The following RXRA variants were observed in gnomAD, a reference collection of about 807,000 sequenced individuals.
The protein encoded by RXRA is retinoic acid receptor RXR-alpha.
In RXRA, 5 loss-of-function variants were observed where a neutral mutation model predicts 44.5. That is an observed-to-expected ratio of 0.11 (90% confidence interval 0.06 to 0.24). RXRA has a LOEUF of 0.24. RXRA is among the 10% of genes least tolerant of loss of function. The pLI, the probability that RXRA is intolerant of heterozygous loss-of-function variation, is 1.00. For missense variants in RXRA, 412 were observed against 646.5 expected (o/e 0.64, Z 3.93); for synonymous variants, 291 against 271.4 (o/e 1.07, Z -0.71).
intron 1 of RXRA, among the ~76,000 whole-genome samples, chr9:134,334,295 G>T (rs977723235): frequency 3.9e-5 from 6 of 152,274 alleles, no homozygotes; most frequent in Non-Finnish European, 8.8e-5. Flanking sequence ...TTGACTTAGA[G>T]AGTGGGATCA....
chr9:134,351,397 C>A (rs892826594), intron 1 of RXRA, among the ~76,000 whole-genome samples: 1 of 152,206 alleles, frequency 6.6e-6, no homozygotes, highest in African/African-American at 2.4e-5. Flanking sequence ...GGTTGTGAGG[C>A]AGGCTGGTCT....
chr9:134,360,054 G>A (rs868666418), intron 1 of RXRA, among the ~76,000 whole-genome samples: 2 of 152,220 alleles, frequency 1.3e-5, no homozygotes, highest in Non-Finnish European at 2.9e-5. Context: ...GAGGTGTGGC[G>A]TGCCCAGTGG....
At chr9:134,421,604 T>C in intron 5 of RXRA, 72 bp from the exon 6 acceptor site, 4 of 1,488,842 alleles carry the variant, frequency 2.7e-6, no homozygotes, top group East Asian at 4.6e-5. Context: ...TGGCAGGGCC[T>C]GGTCTGGGCT....
chr9:134,400,410 T>C (rs943717466), intron 1 of RXRA, among the ~76,000 whole-genome samples: 6 of 152,318 alleles, frequency 3.9e-5, no homozygotes, highest in Non-Finnish European at 4.4e-5. Context: ...CAGAAGTGCC[T>C]GTGATTGCCA....
rs1830420647 is a variant in RXRA, at chr9:134,366,859, C to T, written c.29-34773C>T. Among the ~76,000 whole-genome samples the T allele has an allele frequency of 6.6e-6, 1 of 152,170 alleles. No homozygotes were observed. Among genetic ancestry groups the T allele is most frequent in the African/African-American group, 2.4e-5 (1 of 41,436 alleles). On this transcript the variant is annotated intron_variant, in intron 1 of 9. Transcript: ENST00000481739. This position sits in a 1 kb window ranked among gnomAD's most constrained non-coding sequence, Gnocchi z 5.9. ...AAAGACACAGGAGTCGGGGACACAT[C>T]CCAGTCGGAACGTGGTGGAAAGGCG...
intron 1 of RXRA, among the ~76,000 whole-genome samples, chr9:134,331,828 G>A (rs1223130529): frequency 2.6e-5 from 4 of 152,236 alleles, no homozygotes; most frequent in Non-Finnish European, 5.9e-5. Flanking sequence ...CCAGCTGGGA[G>A]GACCTGTCCC....
chr9:134,398,842 C>T (rs1251206472), intron 1 of RXRA, among the ~76,000 whole-genome samples: 2 of 152,230 alleles, frequency 1.3e-5, no homozygotes, highest in Non-Finnish European at 2.9e-5. Context: ...ATTCCAAGGC[C>T]CGGCTTCTGA....
intron 1 of RXRA, among the ~76,000 whole-genome samples, chr9:134,340,748 G>A (rs1311650666): frequency 6.6e-6 from 1 of 152,180 alleles, no homozygotes; most frequent in Non-Finnish European, 1.5e-5. Flanking sequence ...GGCCCAAGCG[G>A]TCCTCCCTGG....
rs114005197 is a variant in RXRA, at chr9:134,329,014, G to A, written c.28+2355G>A. On this transcript the variant is annotated intron_variant, in intron 1 of 9. Transcript: ENST00000481739. ...GGCCCTGCTGCCCGGGGCTGGCCGC[G>A]CTCCCACGCCTGCCGGGGAGAAGGC... is the stretch of plus-strand genomic sequence containing the variant. Among the ~76,000 whole-genome samples the A allele has an allele frequency of 4.7e-3, 723 of 152,336 alleles. 6 individuals carry two copies. The highest frequency in any genetic ancestry group is 0.016 in the African/African-American group (676 of 41,574).
intron 1 of RXRA, among the ~76,000 whole-genome samples, chr9:134,386,299 C>T (rs1475268700): frequency 2.0e-5 from 3 of 152,270 alleles, no homozygotes; most frequent in Admixed American, 6.5e-5. Context: ...GGTGGGACCT[C>T]TCGCCTGCCC....
In RXRA at chr9:134,354,140, G is replaced by C. The variant is rs1177415361; in HGVS notation, c.28+27481G>C. Among the ~76,000 whole-genome samples the C allele has an allele frequency of 3.9e-5, 6 of 152,334 alleles. No homozygotes were observed. In the South Asian group the frequency reaches 6.2e-4, roughly 16 times the overall value. ...TGTCTCTTCTGACGGATGGGATGGG[G>C]TGCCTGGGTCCCAGCAGGCACCAGC... On this transcript the variant is annotated intron_variant, in intron 1 of 9. Transcript: ENST00000481739.
At chr9:134,376,075 G>C (rs1187286369) in intron 1 of RXRA, among the ~76,000 whole-genome samples, 2 of 152,036 alleles carry the variant, frequency 1.3e-5, no homozygotes, top group Non-Finnish European at 2.9e-5. Flanking sequence ...AACAAAAATG[G>C]AATTCAGATT....
rs1410595686 is a variant in RXRA, at chr9:134,366,102, G to A, written c.29-35530G>A. Among the ~76,000 whole-genome samples, 1 of 152,160 alleles carries A rather than the reference G, an allele frequency of 6.6e-6. No individual in the cohort carries two copies. Among genetic ancestry groups the A allele is most frequent in the Non-Finnish European group, 1.5e-5 (1 of 68,032 alleles). ...TCTCTCGTGCCTCAGTAACAACCTG[G>A]GAGCGGTGCTGTCCCTGGGTACAGA... On this transcript the variant is annotated intron_variant, in intron 1 of 9. Transcript: ENST00000481739. The surrounding 1 kb of genome is among the most constrained non-coding windows in gnomAD (Gnocchi z 5.9).
At chr9:134,393,495 G>A (rs571262856) in intron 1 of RXRA, among the ~76,000 whole-genome samples, 3 of 152,306 alleles carry the variant, frequency 2.0e-5, no homozygotes, top group South Asian at 4.1e-4. Flanking sequence ...GACAGTGGCC[G>A]CCATGGGCAT....
At chr9:134,368,960 G>A (rs1448761308) in intron 1 of RXRA, among the ~76,000 whole-genome samples, 1 of 138,142 alleles carries the variant, frequency 7.2e-6, no homozygotes, top group African/African-American at 2.8e-5. Flanking sequence ...GAGTGCGGGG[G>A]TTGTGTGTGT....
At chr9:134,341,419 C>T (rs1172199208) in intron 1 of RXRA, among the ~76,000 whole-genome samples, 2 of 152,118 alleles carry the variant, frequency 1.3e-5, no homozygotes, top group African/African-American at 2.4e-5. Flanking sequence ...AACCTGGAGC[C>T]GAGCCCTCCC....
At chr9:134,432,841 C>T (rs1831554429) in intron 8 of RXRA, among the ~76,000 whole-genome samples, 1 of 152,178 alleles carries the variant, frequency 6.6e-6, no homozygotes, top group African/African-American at 2.4e-5. Flanking sequence ...GTGGAGGCAG[C>T]CCAGGCAGGG....
At chr9:134,390,391 C>G (rs1266225160) in intron 1 of RXRA, among the ~76,000 whole-genome samples, 1 of 152,202 alleles carries the variant, frequency 6.6e-6, no homozygotes, top group Non-Finnish European at 1.5e-5. Flanking sequence ...CCCCATTACA[C>G]TCCCAAAGTC....
intron 1 of RXRA, 69 bp from the exon 2 acceptor site, chr9:134,401,563 G>C: frequency 1.2e-6 from 2 of 1,601,152 alleles, no homozygotes. Flanking sequence ...GTAGCTGGGG[G>C]GAGCAGGCAT....
Sources: gnomAD v4.1 joint callset for allele counts (sites outside exome capture counted in the v4.1 genomes callset) on GRCh38, gnomAD v4.1.1 for gene constraint, Gnocchi (gnomAD v3.1) non-coding constraint, MANE v1.5 for transcripts, NCBI Gene and HGNC (gene_info 2026-07-23, HGNC 2026-07-21) for gene names.